VPS13D: variants seen among roughly 807,000 people sequenced by gnomAD.
The protein encoded by VPS13D is intermembrane lipid transfer protein VPS13D.
In VPS13D, 187 loss-of-function variants were observed where a neutral mutation model predicts 461.9. The observed-to-expected ratio is 0.40, with a 90% CI of 0.36 to 0.46. VPS13D has a LOEUF of 0.46. VPS13D is among the 20% of genes least tolerant of loss of function. The probability of loss-of-function intolerance (pLI) is 0.60; values close to 1 mark genes in which losing one functional copy is unlikely to be tolerated. For synonymous variants in VPS13D, 1,951 were observed against 1,986.3 expected (o/e 0.98, Z 0.47); for missense variants, 4,711 against 5,364.9 (o/e 0.88, Z 3.81).
At chr1:12,244,665 T>A in intron 5 of VPS13D, 48 bp downstream of exon 5, 1 of 1,558,714 alleles carries the variant, frequency 6.4e-7, no homozygotes, top group Non-Finnish European at 8.8e-7. Flanking sequence ...AAGGGATTTC[T>A]CAGGTTTAAA....
chr1:12,385,095 T>G (rs1293926358), intron 58 of VPS13D, among the ~76,000 whole-genome samples, 165 bp from the exon 59 acceptor site: 1 of 152,226 alleles, frequency 6.6e-6, no homozygotes, highest in Non-Finnish European at 1.5e-5. Context: ...CCAAGTTTGC[T>G]TCTTTATTAC....
chr1:12,254,148 T>TA (rs1640832389), intron 7 of VPS13D, among the ~76,000 whole-genome samples: 1 of 152,260 alleles, frequency 6.6e-6, no homozygotes, highest in Non-Finnish European at 1.5e-5. Context: ...CACTGCATAG[T>TA]ATTCCACCGT....
chr1:12,497,410 A>T, intron 67 of VPS13D, 90 bp from the exon 68 acceptor site: 2 of 1,465,744 alleles, frequency 1.4e-6, no homozygotes, highest in Non-Finnish European at 1.8e-6. Context: ...TATGTCTCGT[A>T]TTACAGAGTG....
intron 57 of VPS13D, among the ~76,000 whole-genome samples, chr1:12,381,922 T>TTTTCTTTTTCTTTC (rs71570104): frequency 3.0e-5 from 3 of 101,260 alleles, no homozygotes; most frequent in Non-Finnish European, 4.1e-5. Flanking sequence ...CTTTCTTTTC[T>TTTTCTTTTTCTTTC]TTTCTTTCTT....
At chr1:12,330,297 C>T (rs1643297724) in intron 37 of VPS13D, among the ~76,000 whole-genome samples, 1 of 151,936 alleles carries the variant, frequency 6.6e-6, no homozygotes, top group Non-Finnish European at 1.5e-5. Flanking sequence ...CGCCTGTAGT[C>T]CCAGCTACTT....
intron 34 of VPS13D, among the ~76,000 whole-genome samples, chr1:12,323,451 G>A (rs1300752688): frequency 6.6e-6 from 1 of 151,960 alleles, no homozygotes; most frequent in Non-Finnish European, 1.5e-5. Flanking sequence ...GGGGCCAGAT[G>A]CGAAATAGAC....
chr1:12,290,702 G>A (rs1385946697), intron 22 of VPS13D, among the ~76,000 whole-genome samples: 1 of 149,730 alleles, frequency 6.7e-6, no homozygotes, highest in Non-Finnish European at 1.5e-5. Context: ...CAGCCTGGGC[G>A]ACAGAGCTAG....
chr1:12,504,789 T>A (rs1646082895), intron 68 of VPS13D, among the ~76,000 whole-genome samples: 1 of 152,200 alleles, frequency 6.6e-6, no homozygotes. Flanking sequence ...GAAAAGAGTC[T>A]GTTTGAAAGC....
intron 67 of VPS13D, among the ~76,000 whole-genome samples, chr1:12,465,856 G>A (rs545667585): frequency 1.3e-5 from 2 of 152,214 alleles, no homozygotes; most frequent in South Asian, 4.2e-4. Context: ...CTGCAAAGAG[G>A]CCGGGTGTGG....
chr1:12,443,024 A>G (rs1470312359), intron 65 of VPS13D, among the ~76,000 whole-genome samples: 1 of 152,250 alleles, frequency 6.6e-6, no homozygotes, highest in African/African-American at 2.4e-5. Context: ...GAATGATGAA[A>G]TGAAAACAAG....
At chr1:12,381,983 TC>T (rs2101648222) in intron 57 of VPS13D, among the ~76,000 whole-genome samples, 25 of 127,518 alleles carry the variant, frequency 2.0e-4, no homozygotes, top group African/African-American at 8.2e-4. Flanking sequence ...TCTTTCTTTC[TC>T]TCTCTCTCTC....
chr1:12,359,828 A>G (rs1643924077), intron 50 of VPS13D, among the ~76,000 whole-genome samples: 1 of 152,224 alleles, frequency 6.6e-6, no homozygotes, highest in Non-Finnish European at 1.5e-5. Flanking sequence ...GCAGCACAGG[A>G]TAGTTATCTT....
rs1381375574 is a variant in VPS13D at position 12,293,656 on chromosome 1, G to A, written c.5985G>A (p.Gln1995=). 2 of 1,614,154 alleles carry A rather than the reference G, an allele frequency of 1.2e-6. No homozygotes were observed. Among genetic ancestry groups the A allele is most frequent in the Admixed American group, 3.3e-5 (2 of 60,024 alleles). Residue 1995 remains glutamine, a synonymous_variant, in exon 24 of 70, where the codon CAG becomes CAA. Transcript: ENST00000620676. ...EVVAFIQHFT[Q]LQDVLGRQRA... ...TGGCCTTCATTCAGCATTTCACTCA[G>A]CTGCAGGATGTCTTAGGGCGCCAGC...
In VPS13D at chr1:12,333,842, T is replaced by TA. The variant is rs1364310766; in HGVS notation, c.8428+480dup. Among the ~76,000 whole-genome samples the TA allele has an allele frequency of 4.6e-5, 7 of 152,238 alleles. 1 individual carries two copies. The highest frequency in any genetic ancestry group is 3.9e-4 in the Admixed American group (6 of 15,288). On this transcript the variant is annotated intron_variant, in intron 38 of 69. Coordinates refer to ENST00000620676, the MANE Select transcript of VPS13D (RefSeq NM_015378.4). ...GTTGCCAGGTTAGTGGTGTGTTATC[T>TA]AAAAGTATCTTTGGCAACACTGAAA...
Position 12,256,339 on chromosome 1 carries a change from A to G in VPS13D, c.676A>G (p.Met226Val), listed in dbSNP as rs973655867. Reference sequence around the variant, plus strand: ...GTGTTCTTGTGACACACAGGAGGCCATGGCCAGGAGCATGGAGAGTCGCAG... The same window carrying G: ...GTGTTCTTGTGACACACAGGAGGCCGTGGCCAGGAGCATGGAGAGTCGCAG... ...DLPQMELQEA[M>V]ARSMESRSHH... is the part of the protein sequence containing the mutation. Residue 226 changes from methionine to valine, a missense_variant, in exon 8 of 70, where the codon ATG becomes GTG. Physicochemically the swap from Met to Val is conservative, Grantham distance 21 (BLOSUM62 1). Transcript: ENST00000620676. The G allele has an allele frequency of 2.9e-5, 46 of 1,613,566 alleles. No homozygotes were observed. Among genetic ancestry groups the G allele is most frequent in the Non-Finnish European group, 3.9e-5 (46 of 1,179,944 alleles).
intron 30 of VPS13D, among the ~76,000 whole-genome samples, chr1:12,315,897 A>G (rs925691347): frequency 5.9e-5 from 9 of 151,768 alleles, no homozygotes; most frequent in African/African-American, 1.7e-4. Context: ...GCTCACTGCA[A>G]CCTCCGCCTC....
intron 38 of VPS13D, 134 bp from the exon 39 acceptor site, chr1:12,335,571 T>G (rs1447247894): frequency 8.6e-7 from 1 of 1,165,946 alleles, no homozygotes; most frequent in Non-Finnish European, 1.2e-6. Context: ...GGGCATAGAC[T>G]TTCTCGGAAT....
At chr1:12,278,072 T>G (rs1295180975) in intron 19 of VPS13D, 34 bp downstream of exon 19, 1 of 1,558,514 alleles carries the variant, frequency 6.4e-7, no homozygotes, top group Non-Finnish European at 8.7e-7. Context: ...CTATTTTGTT[T>G]AATGATTGAA....
chr1:12,401,831 A>G (rs970822482), intron 62 of VPS13D, 127 bp downstream of exon 62: 3 of 672,614 alleles, frequency 4.5e-6, no homozygotes, highest in African/African-American at 1.8e-5. Flanking sequence ...AGCCTGAGCT[A>G]GGAAGCTAAG....
Sources: allele counts gnomAD v4.1 joint callset (sites outside exome capture counted in the v4.1 genomes callset), GRCh38; gene constraint gnomAD v4.1.1; transcripts MANE v1.5; gene names NCBI Gene and HGNC (gene_info 2026-07-23, HGNC 2026-07-21).